The following SLC39A11 variants were observed in gnomAD, a reference collection of about 807,000 sequenced individuals.
SLC39A11 encodes the protein solute carrier family 39 member 11, also known as zinc transporter ZIP11.
A neutral mutation model predicts 36.1 loss-of-function variants in SLC39A11; 33 were observed. The ratio of observed to expected loss-of-function variants is 0.91; its 90% CI spans 0.69 to 1.22. The LOEUF is 1.22. SLC39A11 is among the 50% of genes most tolerant of loss of function. The probability of loss-of-function intolerance (pLI) is 0.00; values close to 1 mark genes in which losing one functional copy is unlikely to be tolerated. For missense variants in SLC39A11, 432 were observed against 430.3 expected (o/e 1.00, Z -0.03); for synonymous variants, 166 against 170.3 (o/e 0.97, Z 0.20).
chr17:72,840,993 T>G (rs2078781799), intron 6 of SLC39A11, among the ~76,000 whole-genome samples: 2 of 152,086 alleles, frequency 1.3e-5, no homozygotes, highest in South Asian at 2.1e-4. Context: ...AGACGGAGCT[T>G]GCAGTGAGCT....
intron 3 of SLC39A11, among the ~76,000 whole-genome samples, chr17:73,050,740 C>T (rs370430827): frequency 6.3e-4 from 96 of 152,276 alleles, no homozygotes; most frequent in African/African-American, 2.2e-3. Context: ...GCTGGGATTA[C>T]AGGCGTGAGC....
chr17:72,689,110 A>G (rs1320958539), intron 7 of SLC39A11, among the ~76,000 whole-genome samples: 1 of 152,040 alleles, frequency 6.6e-6, no homozygotes, highest in African/African-American at 2.4e-5. Flanking sequence ...CCAATCAAAA[A>G]TCCGGTAAAT....
chr17:72,700,164 G>C (rs953705327), intron 7 of SLC39A11, among the ~76,000 whole-genome samples: 2 of 152,228 alleles, frequency 1.3e-5, no homozygotes, highest in Non-Finnish European at 2.9e-5. Flanking sequence ...GATGGGCAAA[G>C]TTTGGGTCAG....
chr17:72,999,504 A>G (rs2089697619), intron 4 of SLC39A11, among the ~76,000 whole-genome samples: 1 of 152,208 alleles, frequency 6.6e-6, no homozygotes. Flanking sequence ...AGCCTAAACC[A>G]TCAAACAGTT....
chr17:72,687,318 C>G (rs985681108), intron 7 of SLC39A11, among the ~76,000 whole-genome samples: 1 of 152,028 alleles, frequency 6.6e-6, no homozygotes, highest in African/African-American at 2.4e-5. Flanking sequence ...TGCGATGGTG[C>G]GATCTCGGCT....
intron 4 of SLC39A11, among the ~76,000 whole-genome samples, chr17:72,968,775 G>A (rs944739969): frequency 2.6e-5 from 4 of 152,334 alleles, no homozygotes; most frequent in East Asian, 1.9e-4. Context: ...GATCCTTCTC[G>A]GCCAAGGAAG....
intron 3 of SLC39A11, among the ~76,000 whole-genome samples, chr17:73,057,769 C>T (rs146028474): frequency 0.013 from 1,983 of 152,242 alleles, 43 homozygotes; most frequent in African/African-American, 0.046. Flanking sequence ...GAAACCCTGT[C>T]TCTACAAAAA....
chr17:72,983,212 C>G (rs181640913), intron 4 of SLC39A11, among the ~76,000 whole-genome samples: 15 of 152,014 alleles, frequency 9.9e-5, no homozygotes, highest in Admixed American at 8.5e-4. Context: ...TGCAGTGCCG[C>G]GATCTCAGCT....
chr17:73,049,223 C>A (rs2059417126), intron 3 of SLC39A11, among the ~76,000 whole-genome samples: 1 of 152,160 alleles, frequency 6.6e-6, no homozygotes, highest in African/African-American at 2.4e-5. Context: ...AAAGGCGCTA[C>A]AGCACTCCAA....
At chr17:72,981,022 CAAA>C (rs959533291) in intron 4 of SLC39A11, among the ~76,000 whole-genome samples, 2 of 78,348 alleles carry the variant, frequency 2.6e-5, no homozygotes, top group South Asian at 4.1e-4. Flanking sequence ...GACTCCATCT[CAAA>C]AAAAAAAAAA....
chr17:73,009,370 A>G (rs1041283836), intron 4 of SLC39A11, among the ~76,000 whole-genome samples: 1 of 151,762 alleles, frequency 6.6e-6, no homozygotes, highest in East Asian at 1.9e-4. Flanking sequence ...AAAAAAAAAA[A>G]AAAGAAAAGC....
chr17:73,003,323 G>A (rs1031101777), intron 4 of SLC39A11, among the ~76,000 whole-genome samples: 3 of 152,206 alleles, frequency 2.0e-5, no homozygotes, highest in South Asian at 2.1e-4. Flanking sequence ...AAATTGAGTT[G>A]TGTGTGCTAA....
chr17:72,674,036 C>T (rs895130529), intron 7 of SLC39A11, among the ~76,000 whole-genome samples: 5 of 152,082 alleles, frequency 3.3e-5, no homozygotes, highest in African/African-American at 1.2e-4. Flanking sequence ...CCACTGCAAT[C>T]CAGCCTGGGC....
At chr17:72,869,435 G>T (rs562003356) in intron 5 of SLC39A11, among the ~76,000 whole-genome samples, 10 of 152,194 alleles carry the variant, frequency 6.6e-5, no homozygotes, top group Non-Finnish European at 1.3e-4. Flanking sequence ...TGTTGCCTAG[G>T]CTGGAGTGCC....
chr17:73,067,533 G>C (rs1317194754), intron 3 of SLC39A11, among the ~76,000 whole-genome samples: 1 of 151,944 alleles, frequency 6.6e-6, no homozygotes, highest in African/African-American at 2.4e-5. Flanking sequence ...CTTGTTTTTT[G>C]TTTTTTCTTT....
intron 4 of SLC39A11, among the ~76,000 whole-genome samples, chr17:73,026,593 C>T (rs1378309261): frequency 2.0e-5 from 3 of 151,290 alleles, no homozygotes; most frequent in Non-Finnish European, 2.9e-5. Flanking sequence ...GAATGATACC[C>T]GCTAAACTGG....
intron 7 of SLC39A11, among the ~76,000 whole-genome samples, chr17:72,683,067 T>G (rs2071575029): frequency 6.6e-6 from 1 of 152,224 alleles, no homozygotes. Flanking sequence ...TACTGTCATG[T>G]GGCAAGGTAT....
intron 4 of SLC39A11, among the ~76,000 whole-genome samples, chr17:72,990,063 G>C (rs1050234604): frequency 6.6e-6 from 1 of 152,174 alleles, no homozygotes; most frequent in Non-Finnish European, 1.5e-5. Context: ...TACATGAAAG[G>C]CATAACATCA....
chr17:73,025,195 G>A (rs1212114071), intron 4 of SLC39A11, among the ~76,000 whole-genome samples: 2 of 152,140 alleles, frequency 1.3e-5, no homozygotes, highest in Non-Finnish European at 2.9e-5. Context: ...CCACCCTCCT[G>A]GAGCCCGTCT....
Sources: allele counts gnomAD v4.1 joint callset (sites outside exome capture counted in the v4.1 genomes callset), GRCh38; gene constraint gnomAD v4.1.1; transcripts MANE v1.5; gene names NCBI Gene and HGNC (gene_info 2026-07-23, HGNC 2026-07-21).